Variants in LRBA observed in about 807,000 individuals in gnomAD.
LRBA encodes LPS responsive beige-like anchor protein.
Under a neutral mutation model 330.0 loss-of-function variants are expected in LRBA, and 176 were observed. The observed-to-expected ratio is 0.53, with a 90% CI of 0.47 to 0.60. The LOEUF (loss-of-function observed/expected upper bound fraction) is 0.60, where lower values mean the gene tolerates loss of function less well. LRBA is among the 20% of genes least tolerant of loss of function. The pLI is 0.00. For synonymous variants in LRBA, 1,230 were observed against 1,193.0 expected (o/e 1.03, Z -0.64); for missense variants, 3,259 against 3,444.8 (o/e 0.95, Z 1.35).
chr4:150,708,858 C>T (rs1428615033), intron 36 of LRBA, among the ~76,000 whole-genome samples: 3 of 151,692 alleles, frequency 2.0e-5, no homozygotes, highest in Non-Finnish European at 4.4e-5. Flanking sequence ...TAGATCATTG[C>T]TATTCAGAAC....
At chr4:150,514,463 C>A (rs1762136223) in intron 40 of LRBA, among the ~76,000 whole-genome samples, 1 of 152,162 alleles carries the variant, frequency 6.6e-6, no homozygotes, top group African/African-American at 2.4e-5. Flanking sequence ...CCCACTCTGG[C>A]CCCTGTGGTT....
At chr4:150,864,644 C>T (rs1295495474) in intron 22 of LRBA, among the ~76,000 whole-genome samples, 14 of 118,416 alleles carry the variant, frequency 1.2e-4, no homozygotes, top group African/African-American at 2.8e-4. Flanking sequence ...GGCCCACGTT[C>T]TTTTTTTTTT....
At chr4:150,697,291 A>G (rs1383051726) in intron 36 of LRBA, among the ~76,000 whole-genome samples, 1 of 120,048 alleles carries the variant, frequency 8.3e-6, no homozygotes, top group African/African-American at 3.0e-5. Flanking sequence ...ACCACTGCAC[A>G]CCAGCCTGGG....
chr4:150,769,827 A>G (rs907226308), intron 34 of LRBA, among the ~76,000 whole-genome samples: 5 of 152,218 alleles, frequency 3.3e-5, no homozygotes, highest in African/African-American at 1.2e-4. Flanking sequence ...CTCAAACCAC[A>G]TTTCATTACC....
chr4:150,489,027 TATATATTATATATA>T lies in LRBA; in HGVS notation c.6449-1207_6449-1194del, dbSNP rs1186446448. On this transcript the variant is annotated intron_variant, in intron 41 of 56. Coordinates refer to ENST00000651943, the MANE Select transcript of LRBA (RefSeq NM_001364905.1). ...ATATATAATATATTATATATAAGAA[TATATATTATATATA>T]ATATATTATATATAAGAATATATAA... Among the ~76,000 whole-genome samples the T allele has an allele frequency of 1.6e-4, 18 of 114,250 alleles. No homozygotes were observed. In the South Asian group the frequency reaches 2.6e-3, roughly 17 times the overall value. 75.0% of individuals were successfully genotyped at this position (114,250 alleles called of 152,430 possible).
chr4:150,822,424 A>G (rs1745573853), intron 30 of LRBA, among the ~76,000 whole-genome samples: 1 of 152,222 alleles, frequency 6.6e-6, no homozygotes, highest in Non-Finnish European at 1.5e-5. Flanking sequence ...ATAGCCTCAC[A>G]TATTTCTGGG....
At chr4:150,775,489 ACACACACACAC>A (rs773512326) in intron 34 of LRBA, among the ~76,000 whole-genome samples, 5,302 of 121,342 alleles carry the variant, frequency 0.044, 157 homozygotes, top group African/African-American at 0.09. Context: ...ACACACACAC[ACACACACACAC>A]ACAGTGATTG....
chr4:150,833,155 G>C (rs1480299053), intron 28 of LRBA, among the ~76,000 whole-genome samples: 1 of 151,886 alleles, frequency 6.6e-6, no homozygotes, highest in Non-Finnish European at 1.5e-5. Flanking sequence ...CTATGAGAAA[G>C]AAGACAAACT....
chr4:150,540,141 C>T (rs943668714), intron 40 of LRBA, among the ~76,000 whole-genome samples: 1 of 152,084 alleles, frequency 6.6e-6, no homozygotes, highest in African/African-American at 2.4e-5. Flanking sequence ...TATAAACTGA[C>T]CATTATTTTT....
intron 37 of LRBA, among the ~76,000 whole-genome samples, chr4:150,649,022 T>C (rs186531554): frequency 6.6e-6 from 1 of 152,278 alleles, no homozygotes; most frequent in Non-Finnish European, 1.5e-5. Context: ...TCTAAGGCCC[T>C]TTTCTTAGAC....
At position 150,436,823 on chromosome 4, in the gene LRBA, A is replaced by T; in HGVS notation, c.6822T>A (p.Ala2274=). The T allele has an allele frequency of 6.2e-7, 1 of 1,613,878 alleles. No individual in the cohort carries two copies. The highest frequency in any genetic ancestry group is 8.5e-7 in the Non-Finnish European group (1 of 1,179,872). Residue 2274 remains alanine (A), a synonymous_variant, in exon 45 of 57, where the codon GCT becomes GCA. Coordinates refer to ENST00000651943, the MANE Select transcript of LRBA (RefSeq NM_001364905.1). ...ALNPKRAAFF[A]ERYESWEDDQ... ...CATCTTCCCATGATTCATAACGCTC[A>T]GCGAAGAATGCTGCTCTTTTTGGGT... is the stretch of plus-strand genomic sequence containing the variant.
At chr4:150,582,979 C>A (rs761139412) in intron 40 of LRBA, 4 of 1,527,072 alleles carry the variant, frequency 2.6e-6, no homozygotes, top group East Asian at 2.3e-5. Flanking sequence ...AGCCTTGGAT[C>A]CCTCAACGTA....
intron 2 of LRBA, among the ~76,000 whole-genome samples, chr4:150,935,820 T>G (rs1735030806): frequency 6.6e-6 from 1 of 151,942 alleles, no homozygotes; most frequent in Non-Finnish European, 1.5e-5. Context: ...TAAATGGAGC[T>G]ATGAAATTTT....
intron 2 of LRBA, among the ~76,000 whole-genome samples, chr4:151,000,187 A>C (rs1743176598): frequency 6.6e-6 from 1 of 152,252 alleles, no homozygotes; most frequent in African/African-American, 2.4e-5. Context: ...CAATGGAGTT[A>C]CATCCCAATA....
chr4:150,459,259 T>C (rs1442175248), intron 44 of LRBA, among the ~76,000 whole-genome samples: 1 of 151,848 alleles, frequency 6.6e-6, no homozygotes, highest in African/African-American at 2.4e-5. Flanking sequence ...AAACCCTCCT[T>C]CTGGTGTGCT....
chr4:150,317,768 A>C (rs1344388242), intron 50 of LRBA, among the ~76,000 whole-genome samples: 2 of 152,158 alleles, frequency 1.3e-5, no homozygotes, highest in Admixed American at 6.6e-5. Flanking sequence ...TTCAAATCCT[A>C]CTTCTGCCAC....
rs1442386120 is a variant in LRBA at position 150,264,821 on chromosome 4, G to GAT, written c.*899_*900dup. ...TGCTAATCAAAAGGAAGGTGGAGAT[G>GAT]ATAGTTTAATAACAAATAGTAAAAC... On this transcript the variant is annotated 3_prime_UTR_variant, in exon 57 of 57. Transcript: ENST00000651943. 3.3e-5 allele frequency: 5 copies of GAT among 152,676 alleles called. No homozygotes were observed. In the East Asian group the frequency reaches 5.8e-4, roughly 18 times the overall value. 9.5% of individuals were successfully genotyped at this position (152,676 alleles called of 1,614,324 possible).
intron 34 of LRBA, among the ~76,000 whole-genome samples, chr4:150,779,624 A>G (rs1021143147): frequency 6.6e-6 from 1 of 152,068 alleles, no homozygotes; most frequent in Admixed American, 6.6e-5. Context: ...ACACTTTTTA[A>G]CTCGAGAGAA....
At chr4:150,402,522 C>G (rs1042076088) in intron 47 of LRBA, among the ~76,000 whole-genome samples, 1 of 151,992 alleles carries the variant, frequency 6.6e-6, no homozygotes, top group Non-Finnish European at 1.5e-5. Context: ...ACTATAGTCA[C>G]GGCATTTAAT....
Sources: gnomAD v4.1 joint callset for allele counts (sites outside exome capture counted in the v4.1 genomes callset) on GRCh38, gnomAD v4.1.1 for gene constraint, MANE v1.5 for transcripts, NCBI Gene and HGNC (gene_info 2026-07-23, HGNC 2026-07-21) for gene names.